Variants in PLCB1 observed in about 807,000 individuals in gnomAD.
The protein encoded by PLCB1 is 1-phosphatidylinositol 4,5-bisphosphate phosphodiesterase beta-1.
PLCB1 carries 46 observed loss-of-function variants against 161.8 expected under a neutral mutation model. The observed-to-expected ratio is 0.28, with a 90% CI of 0.22 to 0.36. The LOEUF (loss-of-function observed/expected upper bound fraction) is 0.36, where lower values mean the gene tolerates loss of function less well. Ranked by LOEUF, PLCB1 falls within the 10% of genes least tolerant of loss-of-function variation. PLCB1 has a pLI of 1.00. For synonymous variants in PLCB1, 517 were observed against 503.7 expected (o/e 1.03, Z -0.35); for missense variants, 1,016 against 1,472.5 (o/e 0.69, Z 5.07).
chr20:8,177,358 C>T (rs950909669), intron 2 of PLCB1, among the ~76,000 whole-genome samples: 4 of 152,074 alleles, frequency 2.6e-5, no homozygotes, highest in African/African-American at 7.2e-5. Context: ...ACTTCTCAGC[C>T]GCCAGAACAG....
At chr20:8,829,891 G>T (rs1250546079) in intron 31 of PLCB1, among the ~76,000 whole-genome samples, 2 of 152,174 alleles carry the variant, frequency 1.3e-5, no homozygotes, top group Non-Finnish European at 2.9e-5. Flanking sequence ...TATTTTTGCT[G>T]CATAGAGTAT....
chr20:8,695,249 G>C (rs1029488988), intron 10 of PLCB1, among the ~76,000 whole-genome samples: 4 of 152,290 alleles, frequency 2.6e-5, no homozygotes, highest in African/African-American at 9.6e-5. Flanking sequence ...TGTTATGCTG[G>C]TGGTTGAGTA....
intron 3 of PLCB1, chr20:8,625,250 T>C (rs1988300883): frequency 6.6e-6 from 1 of 152,154 alleles, no homozygotes; most frequent in Non-Finnish European, 1.5e-5. Flanking sequence ...AGTTTGTCCG[T>C]CCAGACAATC....
At chr20:8,143,224 C>T (rs2051421666) in intron 1 of PLCB1, among the ~76,000 whole-genome samples, 1 of 152,174 alleles carries the variant, frequency 6.6e-6, no homozygotes, top group South Asian at 2.1e-4. Context: ...TCACTGTCTC[C>T]CTGTCCTTAC....
At chr20:8,153,898 TTTTA>T (rs1172454346) in intron 2 of PLCB1, among the ~76,000 whole-genome samples, 1 of 152,164 alleles carries the variant, frequency 6.6e-6, no homozygotes, top group Non-Finnish European at 1.5e-5. Context: ...TTGTTACAAA[TTTTA>T]TTTGTTTTTA....
intron 2 of PLCB1, among the ~76,000 whole-genome samples, chr20:8,255,454 A>T (rs1184813261): frequency 6.6e-6 from 1 of 152,100 alleles, no homozygotes; most frequent in Non-Finnish European, 1.5e-5. Flanking sequence ...AAGATTTTTA[A>T]AGAATGTTAT....
intron 3 of PLCB1, among the ~76,000 whole-genome samples, chr20:8,522,377 C>A (rs1160729495): frequency 1.3e-5 from 2 of 152,160 alleles, no homozygotes; most frequent in Non-Finnish European, 2.9e-5. Flanking sequence ...ATGACATCAT[C>A]CTCATTCTGG....
intron 2 of PLCB1, among the ~76,000 whole-genome samples, chr20:8,205,981 TTA>T (rs777517122): frequency 6.6e-6 from 1 of 150,696 alleles, no homozygotes; most frequent in Non-Finnish European, 1.5e-5. Context: ...TATGAATAAA[TTA>T]TAGTTTATTT....
intron 2 of PLCB1, among the ~76,000 whole-genome samples, chr20:8,324,199 G>GGTGTGTGTGT (rs60079589): frequency 3.4e-5 from 5 of 147,112 alleles, no homozygotes; most frequent in African/African-American, 1.0e-4. Context: ...AACTGGTAGG[G>GGTGTGTGTGT]GTGTGTGTGT....
intron 2 of PLCB1, among the ~76,000 whole-genome samples, chr20:8,184,362 C>T (rs1176103016): frequency 6.6e-6 from 1 of 152,060 alleles, no homozygotes; most frequent in Non-Finnish European, 1.5e-5. Context: ...CTCTAAAGTT[C>T]ATAAGAAATG....
chr20:8,260,311 T>A (rs1382516947), intron 2 of PLCB1, among the ~76,000 whole-genome samples: 1 of 151,422 alleles, frequency 6.6e-6, no homozygotes, highest in Non-Finnish European at 1.5e-5. Context: ...CTCAAACTCC[T>A]GGGCTCAAGC....
intron 3 of PLCB1, among the ~76,000 whole-genome samples, chr20:8,625,667 A>G (rs187465479): frequency 6.6e-6 from 1 of 152,272 alleles, no homozygotes; most frequent in Admixed American, 6.5e-5. Flanking sequence ...CTTCTGAGTA[A>G]GTGTTTCTCA....
chr20:8,384,690 C>G (rs1987369132), intron 3 of PLCB1, among the ~76,000 whole-genome samples: 1 of 151,966 alleles, frequency 6.6e-6, no homozygotes, highest in African/African-American at 2.4e-5. Flanking sequence ...GGCTGCTGAC[C>G]CTTGGATGGA....
intron 1 of PLCB1, among the ~76,000 whole-genome samples, chr20:8,137,292 G>A (rs1484575440): frequency 1.3e-5 from 2 of 152,218 alleles, no homozygotes; most frequent in Non-Finnish European, 2.9e-5. Flanking sequence ...TGAGAGAGCA[G>A]AGGGGAAAAG....
chr20:8,632,688 C>A (rs1988636663), intron 4 of PLCB1, among the ~76,000 whole-genome samples: 1 of 152,094 alleles, frequency 6.6e-6, no homozygotes, highest in South Asian at 2.1e-4. Flanking sequence ...GGAGAGACAG[C>A]ACTGCGCTTG....
At chr20:8,742,941 ATAGT>A (rs1224361914) in intron 23 of PLCB1, among the ~76,000 whole-genome samples, 5 of 152,186 alleles carry the variant, frequency 3.3e-5, no homozygotes, top group Non-Finnish European at 7.4e-5. Context: ...ATCAGTTCTA[ATAGT>A]TAGTTGGTGG....
At chr20:8,612,865 G>T (rs1987941177) in intron 3 of PLCB1, among the ~76,000 whole-genome samples, 1 of 152,188 alleles carries the variant, frequency 6.6e-6, no homozygotes. Flanking sequence ...ACAATCTGAA[G>T]AAAGTCACCA....
At chr20:8,323,721 C>T (rs1985016894) in intron 2 of PLCB1, among the ~76,000 whole-genome samples, 1 of 152,160 alleles carries the variant, frequency 6.6e-6, no homozygotes, top group African/African-American at 2.4e-5. Context: ...ATCGATTTTA[C>T]CTCTTGATGG....
At chr20:8,481,750 G>A (rs572186652) in intron 3 of PLCB1, among the ~76,000 whole-genome samples, 2 of 152,216 alleles carry the variant, frequency 1.3e-5, no homozygotes, top group Admixed American at 1.3e-4. Context: ...ATATAATGCT[G>A]ACCATCATGG....
Sources: gnomAD v4.1 joint callset for allele counts (sites outside exome capture counted in the v4.1 genomes callset) on GRCh38, gnomAD v4.1.1 for gene constraint, MANE v1.5 for transcripts, NCBI Gene and HGNC (gene_info 2026-07-23, HGNC 2026-07-21) for gene names.